DUS2: variants seen among roughly 807,000 people sequenced by gnomAD.
DUS2 encodes tRNA-dihydrouridine(20) synthase [NAD(P)+]-like.
Under a neutral mutation model 71.3 loss-of-function variants are expected in DUS2, and 52 were observed. The ratio of observed to expected loss-of-function variants is 0.73; its 90% CI spans 0.58 to 0.92. DUS2 has a LOEUF of 0.92. DUS2 is among the 40% of genes least tolerant of loss of function. The pLI, the probability that DUS2 is intolerant of heterozygous loss-of-function variation, is 0.00. For missense variants in DUS2, 558 were observed against 622.6 expected, an observed-to-expected ratio of 0.90 and a Z score of 1.10; for synonymous variants, 204 against 227.8, an observed-to-expected ratio of 0.90 and a Z score of 0.94.
rs140584572 is a variant in DUS2 at position 68,078,931 on chromosome 16, A to G, written c.1427A>G (p.Lys476Arg). The G allele has an allele frequency of 6.8e-5, 109 of 1,604,870 alleles. No homozygotes were observed. Among genetic ancestry groups the G allele is most frequent in the Middle Eastern group, 5.0e-4 (3 of 6,060 alleles). ...CTAGCACAACCTGGGGATCTGTGCA[A>G]GAAGCCCTTTGTGGCCTTGGGAAGT... ...QELAQPGDLC[K>R]KPFVALGSGE... The change falls in exon 17 of 17, where the codon AAG becomes AGG. Residue 476 changes from lysine to arginine, a missense_variant. Coordinates refer to ENST00000565263, the MANE Select transcript of DUS2 (RefSeq NM_017803.5).
At chr16:68,060,187 T>A (rs555880456) in intron 7 of DUS2, among the ~76,000 whole-genome samples, 3 of 152,208 alleles carry the variant, frequency 2.0e-5, no homozygotes, top group Admixed American at 6.5e-5. Flanking sequence ...TGGGAGATGG[T>A]GGGATTTAGT....
chr16:68,029,166 C>T lies in DUS2; in HGVS notation c.-19+3672C>T, dbSNP rs574429500. 4.6e-5 allele frequency among the ~76,000 whole-genome samples: 7 copies of T among 151,268 alleles called. No homozygotes were observed. The South Asian group carries it at 1.5e-3, about 31-fold the overall frequency. On this transcript the variant is annotated intron_variant, in intron 2 of 16. Transcript: ENST00000565263. The stretch of plus-strand genomic sequence containing the variant: ...ACTGCAGTGAGCCATGATTGTGCCG[C>T]TGCACTCCAGCCTGGGCAACACAGC...
chr16:68,068,580 CTCTCT>C, intron 10 of DUS2, among the ~76,000 whole-genome samples: 1 of 135,136 alleles, frequency 7.4e-6, no homozygotes, highest in Admixed American at 8.4e-5. Flanking sequence ...TATTCTTTCT[CTCTCT>C]TTTTTTTTTT....
chr16:68,031,279 C>T (rs2033434193), intron 2 of DUS2, among the ~76,000 whole-genome samples: 1 of 151,976 alleles, frequency 6.6e-6, no homozygotes, highest in South Asian at 2.1e-4. Context: ...ATTCTCCTGC[C>T]TCAGCTTCCT....
chr16:68,023,303 G>A lies in DUS2; in HGVS notation c.-147G>A. 7.5e-7 allele frequency: 1 copy of A among 1,335,322 alleles called. No individual in the cohort carries two copies. 82.7% of individuals were successfully genotyped at this position (1,335,322 alleles called of 1,614,324 possible). On this transcript the variant is annotated 5_prime_UTR_variant, in exon 1 of 17. Coordinates refer to ENST00000565263, the MANE Select transcript of DUS2 (RefSeq NM_017803.5). ...AGGCTCAGTACGGTGTGTGGAGCTG[G>A]AGCACCGTGAGGAAGAAGCGAGGTT... is the stretch of plus-strand genomic sequence containing the variant.
chr16:68,027,544 C>T (rs556808161), intron 2 of DUS2, among the ~76,000 whole-genome samples: 1 of 152,334 alleles, frequency 6.6e-6, no homozygotes, highest in Admixed American at 6.5e-5. Context: ...CACCCGGCTG[C>T]CATTAACTTC....
At chr16:68,059,039 G>C (rs1184145899) in intron 7 of DUS2, among the ~76,000 whole-genome samples, 1 of 151,994 alleles carries the variant, frequency 6.6e-6, no homozygotes. Context: ...GAATGAAACC[G>C]CATGTCTACC....
chr16:68,050,240 C>T (rs1363215481), intron 4 of DUS2, among the ~76,000 whole-genome samples: 1 of 152,008 alleles, frequency 6.6e-6, no homozygotes, highest in Non-Finnish European at 1.5e-5. Flanking sequence ...CAGGTTCAAG[C>T]AGTTCTCCTG....
At chr16:68,068,403 A>G (rs1157106465) in intron 10 of DUS2, among the ~76,000 whole-genome samples, 3 of 152,122 alleles carry the variant, frequency 2.0e-5, no homozygotes, top group Non-Finnish European at 4.4e-5. Context: ...CTGGTTTGAG[A>G]TCCCGGCTCT....
At chr16:68,040,929 C>T (rs2033617591) in intron 3 of DUS2, among the ~76,000 whole-genome samples, 1 of 152,092 alleles carries the variant, frequency 6.6e-6, no homozygotes, top group Non-Finnish European at 1.5e-5. Context: ...GTAGGCACCT[C>T]CTTAAAAACC....
chr16:68,073,738 C>T (rs542098446), intron 12 of DUS2, among the ~76,000 whole-genome samples: 7 of 152,098 alleles, frequency 4.6e-5, no homozygotes, highest in South Asian at 2.1e-4. Context: ...CGTGAGCCAC[C>T]GTGCCCAGCC....
intron 3 of DUS2, among the ~76,000 whole-genome samples, chr16:68,044,719 A>G (rs1490358668): frequency 2.0e-5 from 3 of 151,186 alleles, no homozygotes; most frequent in Non-Finnish European, 4.4e-5. Flanking sequence ...AATTTCTTTC[A>G]ACAGTGTTTC....
In DUS2 at chr16:68,078,487, G is replaced by C. The variant is rs768617021; in HGVS notation, c.1213G>C (p.Val405Leu). 2 of 1,613,960 alleles carry C rather than the reference G, an allele frequency of 1.2e-6. No homozygotes were observed. ...LDRLFSSIVT[V>L]AEQKYQSTLW... ...TCGCCTGTTCTCCTCTATTGTCACCGTTGCTGAACAAAAGTATCAGTCTAC... is the reference window on the plus strand; with the variant it reads ...TCGCCTGTTCTCCTCTATTGTCACCCTTGCTGAACAAAAGTATCAGTCTAC... The change falls in exon 16 of 17, where the codon GTT becomes CTT. Residue 405 changes from valine to leucine, a missense_variant. By Grantham distance (32) the Val-to-Leu change is conservative. Transcript: ENST00000565263.
At chr16:68,072,812 A>G (rs1259036206) in intron 12 of DUS2, among the ~76,000 whole-genome samples, 1 of 152,210 alleles carries the variant, frequency 6.6e-6, no homozygotes, top group Non-Finnish European at 1.5e-5. Context: ...TGTCCCAGGC[A>G]GTCAGTCATC....
chr16:68,051,038 A>G (rs1359741586), intron 4 of DUS2, among the ~76,000 whole-genome samples: 15 of 152,228 alleles, frequency 9.9e-5, no homozygotes, highest in Non-Finnish European at 2.9e-5. Flanking sequence ...AAAACCATCC[A>G]TGTATGGAAA....
chr16:68,037,373 C>T (rs1166321218), intron 2 of DUS2, among the ~76,000 whole-genome samples: 1 of 150,698 alleles, frequency 6.6e-6, no homozygotes, highest in Non-Finnish European at 1.5e-5. Context: ...CACTTGAGGT[C>T]TGGAGTTCAA....
intron 13 of DUS2, among the ~76,000 whole-genome samples, chr16:68,074,560 C>T (rs550691615): frequency 4.6e-5 from 7 of 152,332 alleles, no homozygotes; most frequent in Admixed American, 1.3e-4. Context: ...AGATCAGGTG[C>T]AGCTCTAGCT....
chr16:68,031,555 C>T (rs1318810699), intron 2 of DUS2, among the ~76,000 whole-genome samples: 1 of 152,184 alleles, frequency 6.6e-6, no homozygotes, highest in Non-Finnish European at 1.5e-5. Flanking sequence ...GTACTTGTGG[C>T]TTGCCCTTCT....
rs1471796645 is a variant in DUS2 at position 68,055,148 on chromosome 16, T to TG, written c.308+537dup. Among the ~76,000 whole-genome samples the TG allele has an allele frequency of 3.3e-5, 5 of 152,190 alleles. No individual in the cohort carries two copies. In the East Asian group the frequency reaches 5.8e-4, roughly 18 times the overall value. On this transcript the variant is annotated intron_variant, in intron 6 of 16. Transcript: ENST00000565263. ...GATCTCAGAGACCCTCTATGCATATTGGGGGGAGCTGTTTTTTTGTATTTA... is the reference window on the plus strand; with the variant it reads ...GATCTCAGAGACCCTCTATGCATATTGGGGGGGAGCTGTTTTTTTGTATTTA...
Sources: allele counts gnomAD v4.1 joint callset (sites outside exome capture counted in the v4.1 genomes callset), GRCh38; gene constraint gnomAD v4.1.1; transcripts MANE v1.5; gene names NCBI Gene and HGNC (gene_info 2026-07-23, HGNC 2026-07-21).